The following SGCD variants were observed in gnomAD, a reference collection of about 807,000 sequenced individuals.
The protein encoded by SGCD is delta-sarcoglycan.
Under a neutral mutation model 36.6 loss-of-function variants are expected in SGCD, and 18 were observed. The ratio of observed to expected loss-of-function variants is 0.49; its 90% CI spans 0.34 to 0.73. The LOEUF (loss-of-function observed/expected upper bound fraction) is 0.73, where lower values mean the gene tolerates loss of function less well. Ranked by LOEUF, SGCD falls within the 30% of genes least tolerant of loss-of-function variation. The pLI is 0.01. For missense variants in SGCD, 387 were observed against 346.7 expected (o/e 1.12, Z -0.92); for synonymous variants, 133 against 130.6 (o/e 1.02, Z -0.12).
chr5:156,719,393 T>A (rs971683553), intron 7 of SGCD, among the ~76,000 whole-genome samples: 2 of 150,948 alleles, frequency 1.3e-5, no homozygotes, highest in East Asian at 1.9e-4. Context: ...ATATATATGA[T>A]GTATATATAC....
At chr5:156,602,099 A>G (rs1792492980) in intron 6 of SGCD, among the ~76,000 whole-genome samples, 1 of 152,128 alleles carries the variant, frequency 6.6e-6, no homozygotes, top group African/African-American at 2.4e-5. Context: ...CTCTTCACTT[A>G]TTTGTGTCCT....
At chr5:155,749,269 G>A in the SGCD span, among the ~76,000 whole-genome samples, 1 of 152,118 alleles carries the variant, frequency 6.6e-6, no homozygotes, top group African/African-American at 2.4e-5. Flanking sequence ...ATCAAGGCCT[G>A]GAGATGTATC....
chr5:156,757,321 A>AAAAC (rs1757377601), intron 7 of SGCD, among the ~76,000 whole-genome samples: 1 of 151,584 alleles, frequency 6.6e-6, no homozygotes, highest in African/African-American at 2.4e-5. Context: ...TTATACCAAT[A>AAAAC]AAACAACACT....
chr5:156,020,639 T>C (rs1190376867), intron 1 of SGCD, among the ~76,000 whole-genome samples: 1 of 152,364 alleles, frequency 6.6e-6, no homozygotes, highest in East Asian at 1.9e-4. Flanking sequence ...TCTTGAATTA[T>C]AGGTATTTAT....
chr5:156,169,280 C>T (rs575537935), intron 3 of SGCD, among the ~76,000 whole-genome samples: 3 of 152,316 alleles, frequency 2.0e-5, no homozygotes, highest in Admixed American at 1.3e-4. Flanking sequence ...TCTTGGGCCC[C>T]GATGCTCTCT....
the SGCD span, among the ~76,000 whole-genome samples, chr5:155,855,983 A>G: frequency 6.6e-6 from 1 of 152,164 alleles, no homozygotes; most frequent in Non-Finnish European, 1.5e-5. Flanking sequence ...TCTTATATAT[A>G]TTTTCCCAAA....
At chr5:156,422,523 C>G (rs1383580005) in intron 3 of SGCD, among the ~76,000 whole-genome samples, 2 of 152,028 alleles carry the variant, frequency 1.3e-5, no homozygotes, top group Admixed American at 1.3e-4. Context: ...GAAGGATTCA[C>G]TGAAAATGGC....
At chr5:156,100,113 G>A (rs999107504) in intron 1 of SGCD, among the ~76,000 whole-genome samples, 4 of 152,040 alleles carry the variant, frequency 2.6e-5, no homozygotes, top group Non-Finnish European at 4.4e-5. Context: ...GCAAAGTAAC[G>A]ACAAAAATAT....
chr5:156,530,779 C>T (rs1282015138), intron 4 of SGCD, among the ~76,000 whole-genome samples: 1 of 151,988 alleles, frequency 6.6e-6, no homozygotes, highest in Non-Finnish European at 1.5e-5. Flanking sequence ...TGGGTTTCCC[C>T]ATGTTGGCCA....
At chr5:156,252,626 C>T (rs1407827241) in intron 3 of SGCD, among the ~76,000 whole-genome samples, 1 of 152,170 alleles carries the variant, frequency 6.6e-6, no homozygotes, top group Non-Finnish European at 1.5e-5. Flanking sequence ...AAGAACCCCT[C>T]ATGGCAGAGG....
intron 6 of SGCD, among the ~76,000 whole-genome samples, chr5:156,609,548 T>C (rs1256803442): frequency 6.6e-6 from 1 of 152,202 alleles, no homozygotes; most frequent in Non-Finnish European, 1.5e-5. Context: ...TCGAGGAGTA[T>C]CTTTATGGCA....
intron 1 of SGCD, among the ~76,000 whole-genome samples, chr5:155,969,881 G>A (rs564293677): frequency 1.3e-5 from 2 of 152,110 alleles, no homozygotes; most frequent in East Asian, 1.9e-4. Context: ...TCTGCTAATC[G>A]TTCGACAAAA....
intron 1 of SGCD, among the ~76,000 whole-genome samples, chr5:156,090,362 AG>A (rs1761210445): frequency 6.6e-6 from 1 of 152,202 alleles, no homozygotes; most frequent in African/African-American, 2.4e-5. Flanking sequence ...TACAAAGAGA[AG>A]AATTTTACAG....
At chr5:155,817,136 C>T in the SGCD span, among the ~76,000 whole-genome samples, 1 of 152,086 alleles carries the variant, frequency 6.6e-6, no homozygotes, top group Non-Finnish European at 1.5e-5. Context: ...TCATATTGAT[C>T]TATTGCAATT....
intron 3 of SGCD, among the ~76,000 whole-genome samples, chr5:156,253,810 A>G (rs1447758044): frequency 6.6e-6 from 1 of 152,186 alleles, no homozygotes; most frequent in African/African-American, 2.4e-5. Context: ...GAACACAATT[A>G]TATAATAATT....
intron 3 of SGCD, among the ~76,000 whole-genome samples, chr5:156,259,521 T>G (rs1226104744): frequency 2.0e-5 from 3 of 152,142 alleles, no homozygotes; most frequent in Non-Finnish European, 4.4e-5. Flanking sequence ...ACCTAAACAT[T>G]GCAAATATAT....
At chr5:156,381,590 AT>A (rs983563422) in intron 3 of SGCD, among the ~76,000 whole-genome samples, 1 of 65,772 alleles carries the variant, frequency 1.5e-5, no homozygotes, top group African/African-American at 1.6e-4. Flanking sequence ...GTGCATATTT[AT>A]AAAATTAATC....
chr5:156,575,227 T>C (rs534163059), intron 4 of SGCD, among the ~76,000 whole-genome samples: 1 of 152,320 alleles, frequency 6.6e-6, no homozygotes, highest in Admixed American at 6.5e-5. Context: ...TGCTTTAATA[T>C]TGGAATGTGA....
At chr5:156,747,090 A>G (rs1756970324) in intron 7 of SGCD, among the ~76,000 whole-genome samples, 1 of 147,334 alleles carries the variant, frequency 6.8e-6, no homozygotes, top group Non-Finnish European at 1.5e-5. Flanking sequence ...TTGAACACCC[A>G]GTAAAACACA....
Sources: allele counts gnomAD v4.1 joint callset (sites outside exome capture counted in the v4.1 genomes callset), GRCh38; gene constraint gnomAD v4.1.1; transcripts MANE v1.5; gene names NCBI Gene and HGNC (gene_info 2026-07-23, HGNC 2026-07-21).